Variants in CDH10 observed in about 807,000 individuals in gnomAD.
The protein encoded by CDH10 is cadherin 10.
A neutral mutation model predicts 73.1 loss-of-function variants in CDH10; 30 were observed. The ratio of observed to expected loss-of-function variants is 0.41; its 90% CI spans 0.31 to 0.56. The LOEUF is 0.56. Among genes scored for constraint, CDH10 ranks in the 20% least tolerant of loss-of-function variants. The pLI, the probability that CDH10 is intolerant of heterozygous loss-of-function variation, is 0.27. For synonymous variants in CDH10, 345 were observed against 348.2 expected (o/e 0.99, Z 0.10); for missense variants, 815 against 973.7 (o/e 0.84, Z 2.17).
At chr5:24,561,578 C>T (rs1245370219) in intron 2 of CDH10, among the ~76,000 whole-genome samples, 1 of 152,092 alleles carries the variant, frequency 6.6e-6, no homozygotes, top group Non-Finnish European at 1.5e-5. Context: ...AAGGCATATA[C>T]CAACTTACAG....
chr5:24,566,046 T>G (rs1054996700), intron 2 of CDH10, among the ~76,000 whole-genome samples: 5 of 152,062 alleles, frequency 3.3e-5, no homozygotes, highest in Admixed American at 2.0e-4. Flanking sequence ...ACATCATAGT[T>G]TTTTGTTTTG....
chr5:24,584,243 A>G (rs750326731), intron 2 of CDH10, among the ~76,000 whole-genome samples: 2 of 152,076 alleles, frequency 1.3e-5, no homozygotes, highest in Non-Finnish European at 2.9e-5. Context: ...TGTGATAGTA[A>G]TTATACCAAT....
chr5:24,564,118 C>T (rs939697673), intron 2 of CDH10, among the ~76,000 whole-genome samples: 1 of 152,136 alleles, frequency 6.6e-6, no homozygotes, highest in Non-Finnish European at 1.5e-5. Flanking sequence ...TATTTAGAAA[C>T]AAATATCTCT....
At chr5:24,611,477 T>C (rs1409657998) in intron 1 of CDH10, among the ~76,000 whole-genome samples, 1 of 152,178 alleles carries the variant, frequency 6.6e-6, no homozygotes, top group Non-Finnish European at 1.5e-5. Context: ...CTTATTATGT[T>C]GTCTTCAAAC....
chr5:24,574,362 G>T (rs546493133), intron 2 of CDH10, among the ~76,000 whole-genome samples: 1 of 152,214 alleles, frequency 6.6e-6, no homozygotes, highest in East Asian at 1.9e-4. Flanking sequence ...ATGTGTAGTT[G>T]CATTGTCTGG....
intron 1 of CDH10, among the ~76,000 whole-genome samples, chr5:24,620,030 C>G (rs1402769960): frequency 6.6e-6 from 1 of 152,152 alleles, no homozygotes; most frequent in Non-Finnish European, 1.5e-5. Context: ...AAAAGAAATA[C>G]CTTGTAGCAG....
At chr5:24,512,708 T>C (rs1430109847) in intron 5 of CDH10, among the ~76,000 whole-genome samples, 2 of 152,176 alleles carry the variant, frequency 1.3e-5, no homozygotes, top group Non-Finnish European at 2.9e-5. Context: ...GCTAATGAGA[T>C]TTATGTTTCA....
intron 2 of CDH10, among the ~76,000 whole-genome samples, chr5:24,546,180 CTT>C (rs1491316663): frequency 4.6e-4 from 69 of 150,158 alleles, no homozygotes; most frequent in South Asian, 1.0e-3. Context: ...CTTGAAAAAA[CTT>C]GTGTGTGTGT....
intron 2 of CDH10, among the ~76,000 whole-genome samples, chr5:24,549,625 C>T (rs894008972): frequency 3.4e-5 from 5 of 147,954 alleles, no homozygotes; most frequent in Admixed American, 6.8e-5. Flanking sequence ...AATCTTGGCT[C>T]ACTGCAACCT....
At chr5:24,506,147 T>C (rs1579731114) in intron 7 of CDH10, among the ~76,000 whole-genome samples, 4 of 150,192 alleles carry the variant, frequency 2.7e-5, no homozygotes, top group Non-Finnish European at 5.9e-5. Context: ...AAAAGAAAAG[T>C]AGTTTGGGAT....
intron 5 of CDH10, among the ~76,000 whole-genome samples, chr5:24,532,212 T>C (rs995627256): frequency 3.3e-5 from 5 of 152,092 alleles, no homozygotes; most frequent in African/African-American, 7.2e-5. Flanking sequence ...TCAGCCAACC[T>C]AAAGGAAAGT....
chr5:24,620,742 C>A (rs1345912903), intron 1 of CDH10, among the ~76,000 whole-genome samples: 1 of 151,852 alleles, frequency 6.6e-6, no homozygotes, highest in Non-Finnish European at 1.5e-5. Flanking sequence ...TTTTTTCATC[C>A]TCTTCTCATT....
intron 1 of CDH10, among the ~76,000 whole-genome samples, chr5:24,631,568 AAG>A (rs1350195296): frequency 6.6e-6 from 1 of 151,966 alleles, no homozygotes; most frequent in African/African-American, 2.4e-5. Context: ...TACCCAGTGA[AAG>A]AGTACTCACC....
chr5:24,550,389 A>C (rs544588205), intron 2 of CDH10, among the ~76,000 whole-genome samples: 1 of 152,340 alleles, frequency 6.6e-6, no homozygotes, highest in South Asian at 2.1e-4. Context: ...ATCTAAAAAA[A>C]AATGATGTAT....
chr5:24,592,948 CTG>C (rs1401135392), intron 2 of CDH10, among the ~76,000 whole-genome samples: 3 of 151,438 alleles, frequency 2.0e-5, no homozygotes, highest in Admixed American at 1.3e-4. Flanking sequence ...ATTTAAATGA[CTG>C]TATTTACATA....
chr5:24,555,877 GA>G (rs34279826), intron 2 of CDH10, among the ~76,000 whole-genome samples: 125,989 of 151,970 alleles, frequency 0.83, 52,274 homozygotes, highest in East Asian at 0.91. Flanking sequence ...AACAGCACAT[GA>G]AAAAAACATG....
chr5:24,558,620 A>G (rs1483777347), intron 2 of CDH10, among the ~76,000 whole-genome samples: 1 of 151,818 alleles, frequency 6.6e-6, no homozygotes, highest in East Asian at 1.9e-4. Context: ...TAAAATACAC[A>G]TCAAGGAGAT....
chr5:24,618,175 T>A (rs1747187055), intron 1 of CDH10, among the ~76,000 whole-genome samples: 1 of 152,178 alleles, frequency 6.6e-6, no homozygotes, highest in Admixed American at 6.5e-5. Flanking sequence ...ACCATTATTA[T>A]TAGCATAATT....
At chr5:24,501,926 C>CTT (rs35042550) in intron 8 of CDH10, among the ~76,000 whole-genome samples, 29 of 144,352 alleles carry the variant, frequency 2.0e-4, no homozygotes, top group Admixed American at 2.8e-4. Context: ...TCCACATGGC[C>CTT]TTTTTTTTTT....
Sources: gnomAD v4.1 joint callset for allele counts (sites outside exome capture counted in the v4.1 genomes callset) on GRCh38, gnomAD v4.1.1 for gene constraint, MANE v1.5 for transcripts, NCBI Gene and HGNC (gene_info 2026-07-23, HGNC 2026-07-21) for gene names.